SHISA9: variants seen among roughly 807,000 people sequenced by gnomAD.
The protein encoded by SHISA9 is protein shisa-9.
In SHISA9, 13 loss-of-function variants were observed where a neutral mutation model predicts 38.0. That is an observed-to-expected ratio of 0.34 (90% CI 0.22 to 0.54). The LOEUF (loss-of-function observed/expected upper bound fraction) is 0.54. SHISA9 is among the 20% of genes least tolerant of loss of function. The pLI is 0.91. For missense variants in SHISA9, 538 were observed against 575.8 expected (o/e 0.93, Z 0.67); for synonymous variants, 275 against 242.0 (o/e 1.14, Z -1.27).
At chr16:13,213,912 T>C (rs1008269679) in intron 4 of SHISA9, among the ~76,000 whole-genome samples, 29 of 152,322 alleles carry the variant, frequency 1.9e-4, no homozygotes, top group African/African-American at 7.0e-4. Context: ...CATTTTATCA[T>C]TTAATTCTAT....
the SHISA9 span, among the ~76,000 whole-genome samples, chr16:13,263,336 C>G: frequency 6.6e-6 from 1 of 152,134 alleles, no homozygotes; most frequent in Non-Finnish European, 1.5e-5. Flanking sequence ...GGAGGTGGGG[C>G]CTGGTGGGAG....
chr16:13,066,778 C>A (rs2073439879), intron 2 of SHISA9, among the ~76,000 whole-genome samples: 1 of 152,192 alleles, frequency 6.6e-6, no homozygotes, highest in Non-Finnish European at 1.5e-5. Flanking sequence ...AGATCAGGGC[C>A]TCTATATGTA....
chr16:13,258,786 T>C, the SHISA9 span, among the ~76,000 whole-genome samples: 1 of 152,168 alleles, frequency 6.6e-6, no homozygotes, highest in Non-Finnish European at 1.5e-5. Context: ...GAGAATAGCA[T>C]GGGAAAAACT....
chr16:13,420,045 A>C, the SHISA9 span, among the ~76,000 whole-genome samples: 1 of 152,096 alleles, frequency 6.6e-6, no homozygotes, highest in Non-Finnish European at 1.5e-5. Flanking sequence ...CAGTAGTTCA[A>C]GACCAGGCTG....
At chr16:13,234,896 T>G in intron 4 of SHISA9, 134 bp from the exon 5 acceptor site, 2 of 1,009,506 alleles carry the variant, frequency 2.0e-6, no homozygotes, top group Non-Finnish European at 2.8e-6. Context: ...GTTTCTAGTG[T>G]GTCTTGTTTG....
the SHISA9 span, among the ~76,000 whole-genome samples, chr16:13,379,596 G>A: frequency 6.6e-6 from 1 of 152,170 alleles, no homozygotes; most frequent in African/African-American, 2.4e-5. Context: ...GAACACAACC[G>A]GGGTAATGTC....
At chr16:13,526,879 C>A in the SHISA9 span, among the ~76,000 whole-genome samples, 2 of 152,226 alleles carry the variant, frequency 1.3e-5, no homozygotes, top group Non-Finnish European at 2.9e-5. Flanking sequence ...GGTGAAGAAC[C>A]CTGCTTTAAA....
At chr16:13,252,019 G>A in the SHISA9 span, among the ~76,000 whole-genome samples, 1 of 152,176 alleles carries the variant, frequency 6.6e-6, no homozygotes, top group Non-Finnish European at 1.5e-5. Context: ...ACAATGCATA[G>A]TACACAGCAA....
the SHISA9 span, among the ~76,000 whole-genome samples, chr16:13,411,275 T>C: frequency 2.6e-5 from 4 of 152,212 alleles, no homozygotes; most frequent in Admixed American, 6.5e-5. Flanking sequence ...TTGAGCATGA[T>C]GATTAGGAGC....
the SHISA9 span, among the ~76,000 whole-genome samples, chr16:13,247,229 C>A: frequency 1.3e-5 from 2 of 152,134 alleles, no homozygotes; most frequent in African/African-American, 4.8e-5. Context: ...GGGAACTGCC[C>A]CCATGATCTA....
At chr16:13,522,869 CAG>C in the SHISA9 span, among the ~76,000 whole-genome samples, 365 of 152,260 alleles carry the variant, frequency 2.4e-3, no homozygotes, top group Middle Eastern at 0.02. Flanking sequence ...GTCCTAGAAA[CAG>C]GGGGAATATG....
intron 4 of SHISA9, among the ~76,000 whole-genome samples, chr16:13,229,826 A>G (rs558063573): frequency 6.6e-6 from 1 of 152,206 alleles, no homozygotes; most frequent in Non-Finnish European, 1.5e-5. Flanking sequence ...TGAGGGAGGC[A>G]ATATCTCAGC....
At position 13,222,244 on chromosome 16, in the gene SHISA9, A is replaced by G. The variant is rs868198482; in HGVS notation, c.895+8944A>G. On this transcript the variant is annotated intron_variant, in intron 4 of 4. Transcript: ENST00000558583. ...GGGAATCATTATAATTCAAGGTGAGATTTGGGTGGGGATACAGCCAAACCA... is the reference window on the plus strand; with the variant it reads ...GGGAATCATTATAATTCAAGGTGAGGTTTGGGTGGGGATACAGCCAAACCA... Among the ~76,000 whole-genome samples the G allele has an allele frequency of 2.0e-5, 3 of 152,136 alleles. No homozygotes were observed. The South Asian group carries it at 6.2e-4, about 31-fold the overall frequency.
chr16:13,424,156 C>G, the SHISA9 span, among the ~76,000 whole-genome samples: 4 of 152,202 alleles, frequency 2.6e-5, no homozygotes, highest in Admixed American at 6.5e-5. Flanking sequence ...TGTGGAGGGT[C>G]TCTTAGAATT....
chr16:13,220,040 T>C (rs935829750), intron 4 of SHISA9, among the ~76,000 whole-genome samples: 1 of 152,200 alleles, frequency 6.6e-6, no homozygotes, highest in African/African-American at 2.4e-5. Flanking sequence ...GAGTGAATGA[T>C]TGGCATTTTT....
At chr16:12,933,397 C>T (rs1596536659) in intron 2 of SHISA9, among the ~76,000 whole-genome samples, 1 of 151,950 alleles carries the variant, frequency 6.6e-6, no homozygotes, top group South Asian at 2.1e-4. Flanking sequence ...TGGTTTCAAG[C>T]AATTCTGCTT....
the SHISA9 span, among the ~76,000 whole-genome samples, chr16:13,319,630 G>T: frequency 6.6e-6 from 1 of 151,956 alleles, no homozygotes; most frequent in African/African-American, 2.4e-5. Context: ...GGGAGTGTGC[G>T]TGGGGAGCAG....
chr16:13,528,473 A>C, the SHISA9 span, among the ~76,000 whole-genome samples: 1 of 152,094 alleles, frequency 6.6e-6, no homozygotes, highest in South Asian at 2.1e-4. Flanking sequence ...TCTTATTCTA[A>C]AACAAAAATT....
chr16:12,902,416 A>G lies in SHISA9; in HGVS notation c.352A>G (p.Ser118Gly). Residue 118 changes from serine (S) to glycine (G), a missense_variant, in exon 1 of 5, where the codon AGC becomes GGC. Physicochemically the swap from Ser to Gly is moderately conservative, Grantham distance 56 (BLOSUM62 0). Transcript: ENST00000558583. ...CTFKKRRLNQ[S>G]TCTNYDTPLW... is the part of the protein sequence containing the mutation. Reference sequence around the variant, plus strand: ...GTTTAAGAAGCGGCGACTGAACCAAAGCACCTGCACCAACTACGACACGCC... The same window carrying G: ...GTTTAAGAAGCGGCGACTGAACCAAGGCACCTGCACCAACTACGACACGCC... The G allele has an allele frequency of 3.9e-6, 6 of 1,551,226 alleles. No individual in the cohort carries two copies. Among genetic ancestry groups the G allele is most frequent in the Non-Finnish European group, 5.2e-6 (6 of 1,146,976 alleles).
Sources: gnomAD v4.1 joint callset for allele counts (sites outside exome capture counted in the v4.1 genomes callset) on GRCh38, gnomAD v4.1.1 for gene constraint, MANE v1.5 for transcripts, NCBI Gene and HGNC (gene_info 2026-07-23, HGNC 2026-07-21) for gene names.